MIA2: variants seen among roughly 807,000 people sequenced by gnomAD.
MIA2 encodes MIA SH3 domain ER export factor 2, also known as melanoma inhibitory activity protein 2.
A neutral mutation model predicts 167.8 loss-of-function variants in MIA2; 127 were observed. That is an observed-to-expected ratio of 0.76 (90% CI 0.66 to 0.88). MIA2 has a LOEUF of 0.88. Ranked by LOEUF, MIA2 falls within the 40% of genes least tolerant of loss-of-function variation. The pLI is 0.00. For synonymous variants in MIA2, 552 were observed against 541.9 expected (o/e 1.02, Z -0.26); for missense variants, 1,690 against 1,624.7 (o/e 1.04, Z -0.69).
downstream of MIA2, among the ~76,000 whole-genome samples, chr14:39,354,382 C>T (rs1195590767): frequency 6.6e-6 from 1 of 152,162 alleles, no homozygotes; most frequent in Non-Finnish European, 1.5e-5. Context: ...AGTGTCTGTT[C>T]ATATCCTTCA....
chr14:39,279,896 T>C (rs1357156252), intron 9 of MIA2, among the ~76,000 whole-genome samples: 1 of 152,220 alleles, frequency 6.6e-6, no homozygotes, highest in African/African-American at 2.4e-5. Flanking sequence ...TTATTTTATT[T>C]TGACCACCTC....
At chr14:39,281,887 C>T (rs2059004773) in intron 9 of MIA2, among the ~76,000 whole-genome samples, 1 of 152,140 alleles carries the variant, frequency 6.6e-6, no homozygotes, top group South Asian at 2.1e-4. Flanking sequence ...TCCCAAAGTG[C>T]TAGGATTACA....
intron 18 of MIA2, among the ~76,000 whole-genome samples, chr14:39,313,035 G>T (rs138920336): frequency 1.2e-3 from 175 of 152,154 alleles, no homozygotes; most frequent in Admixed American, 3.1e-3. Flanking sequence ...CTTGATAAGT[G>T]ATAGTCATAA....
intron 14 of MIA2, 54 bp from the exon 15 acceptor site, chr14:39,302,075 G>C: frequency 6.4e-7 from 1 of 1,564,408 alleles, no homozygotes; most frequent in Admixed American, 1.9e-5. Context: ...AAGTTGTAAA[G>C]CTGTTAGCAT....
intron 21 of MIA2, among the ~76,000 whole-genome samples, chr14:39,316,621 G>A (rs528980992): frequency 6.6e-6 from 1 of 152,294 alleles, no homozygotes; most frequent in African/African-American, 2.4e-5. Context: ...TTCCAGCCTA[G>A]GGTGAGAGAT....
chr14:39,355,401 T>C (rs1416852075), downstream of MIA2, among the ~76,000 whole-genome samples: 1 of 152,200 alleles, frequency 6.6e-6, no homozygotes, highest in Non-Finnish European at 1.5e-5. Flanking sequence ...CACATTGATT[T>C]TGTATCCTGA....
intron 17 of MIA2, 142 bp from the exon 18 acceptor site, chr14:39,308,307 G>A (rs2152917741): frequency 1.9e-6 from 1 of 527,622 alleles, no homozygotes; most frequent in Non-Finnish European, 3.1e-6. Flanking sequence ...TAGGTAAACA[G>A]AATCCCTTAT....
chr14:39,288,160 T>C (rs1480966460), intron 9 of MIA2, among the ~76,000 whole-genome samples: 1 of 151,974 alleles, frequency 6.6e-6, no homozygotes, highest in Non-Finnish European at 1.5e-5. Flanking sequence ...GTTAAGGGTT[T>C]TTATCAAGAG....
At chr14:39,370,914 A>G (rs1267890607) in intron 23 of MIA2, among the ~76,000 whole-genome samples, 2 of 152,386 alleles carry the variant, frequency 1.3e-5, no homozygotes, top group South Asian at 2.1e-4. Flanking sequence ...AGAAAAATCA[A>G]TAATCCAAGG....
chr14:39,324,531 C>G (rs2067077155), intron 24 of MIA2, among the ~76,000 whole-genome samples: 1 of 151,960 alleles, frequency 6.6e-6, no homozygotes, highest in African/African-American at 2.4e-5. Context: ...TACAAGTTAC[C>G]AAGAAAAGTT....
At chr14:39,241,457 C>G (rs2054034408) in intron 3 of MIA2, among the ~76,000 whole-genome samples, 2 of 152,136 alleles carry the variant, frequency 1.3e-5, no homozygotes, top group Non-Finnish European at 2.9e-5. Context: ...GTCTTCTCTT[C>G]AATTCCATTT....
chr14:39,273,528 G>C (rs190640241), intron 6 of MIA2, among the ~76,000 whole-genome samples: 53 of 151,896 alleles, frequency 3.5e-4, no homozygotes, highest in African/African-American at 1.2e-3. Flanking sequence ...AATTTTTGTT[G>C]AATGTTTTGA....
At chr14:39,264,561 T>A (rs1181958692) in intron 6 of MIA2, among the ~76,000 whole-genome samples, 4 of 152,236 alleles carry the variant, frequency 2.6e-5, no homozygotes, top group Non-Finnish European at 2.9e-5. Flanking sequence ...GTTTATATAT[T>A]CTTAAGTAGA....
chr14:39,275,604 A>G (rs1367919195), intron 6 of MIA2, among the ~76,000 whole-genome samples: 1 of 152,218 alleles, frequency 6.6e-6, no homozygotes, highest in African/African-American at 2.4e-5. Flanking sequence ...TATTGATTAC[A>G]CAATTTTTGA....
At chr14:39,348,006 T>A in intron 27 of MIA2, among the ~76,000 whole-genome samples, 1 of 151,916 alleles carries the variant, frequency 6.6e-6, no homozygotes, top group East Asian at 1.9e-4. Context: ...AGAGACGGAG[T>A]TTCACCCTGT....
intron 4 of MIA2, among the ~76,000 whole-genome samples, chr14:39,251,062 T>A (rs1457518299): frequency 1.3e-5 from 2 of 152,114 alleles, no homozygotes; most frequent in Admixed American, 6.6e-5. Context: ...AAACAGCCAA[T>A]CTTTTCTGAA....
At chr14:39,286,540 T>A (rs2059817465) in intron 9 of MIA2, among the ~76,000 whole-genome samples, 1 of 152,198 alleles carries the variant, frequency 6.6e-6, no homozygotes, top group Non-Finnish European at 1.5e-5. Context: ...TGATATTATA[T>A]CCTGCATCTT....
chr14:39,291,179 A>G, intron 10 of MIA2, 83 bp downstream of exon 10: 1 of 1,237,710 alleles, frequency 8.1e-7, no homozygotes, highest in African/African-American at 1.5e-5. Flanking sequence ...TCTTCTGAAA[A>G]CTATTTGAAA....
chr14:39,276,739 G>T (rs1221179529), intron 6 of MIA2, 195 bp from the exon 7 acceptor site: 11 of 528,518 alleles, frequency 2.1e-5, no homozygotes, highest in Admixed American at 3.4e-5. Flanking sequence ...GAAGATAATT[G>T]CATTTCACCA....
Sources: allele counts gnomAD v4.1 joint callset (sites outside exome capture counted in the v4.1 genomes callset), GRCh38; gene constraint gnomAD v4.1.1; transcripts MANE v1.5; gene names NCBI Gene and HGNC (gene_info 2026-07-23, HGNC 2026-07-21).